Variants in ETV6 observed in about 807,000 individuals in gnomAD.
ETV6 encodes the protein ETS variant transcription factor 6, also known as transcription factor ETV6.
In ETV6, 16 loss-of-function variants were observed where a neutral mutation model predicts 51.1. The ratio of observed to expected loss-of-function variants is 0.31; its 90% CI spans 0.21 to 0.48. The LOEUF is 0.48. Ranked by LOEUF, ETV6 falls within the 20% of genes least tolerant of loss-of-function variation. The pLI is 0.99. For synonymous variants in ETV6, 240 were observed against 224.1 expected (o/e 1.07, Z -0.64); for missense variants, 458 against 594.8 (o/e 0.77, Z 2.39).
chr12:11,857,574 A>G (rs1946650374), intron 4 of ETV6, among the ~76,000 whole-genome samples: 1 of 152,206 alleles, frequency 6.6e-6, no homozygotes, highest in Admixed American at 6.5e-5. Context: ...TTTTTCACCC[A>G]TACCAACACA....
intron 2 of ETV6, among the ~76,000 whole-genome samples, chr12:11,784,704 C>A (rs553843152): frequency 1.3e-5 from 2 of 151,876 alleles, no homozygotes; most frequent in African/African-American, 4.8e-5. Context: ...TGTAAAGATA[C>A]TGTGTTTTTT....
chr12:11,771,432 A>G (rs1945240156), intron 2 of ETV6, among the ~76,000 whole-genome samples: 1 of 152,216 alleles, frequency 6.6e-6, no homozygotes, highest in Non-Finnish European at 1.5e-5. Context: ...TTGGAGCTAA[A>G]TCTCAGCAGA....
At chr12:11,670,470 C>T (rs773546754) in intron 1 of ETV6, among the ~76,000 whole-genome samples, 2 of 152,172 alleles carry the variant, frequency 1.3e-5, no homozygotes, top group Non-Finnish European at 1.5e-5. Flanking sequence ...AACCTTTACT[C>T]AAGTAGTTAT....
In ETV6 at chr12:11,894,780, G is replaced by C. The variant is rs1041442396; in HGVS notation, c.*3734G>C. On this transcript the variant is annotated 3_prime_UTR_variant, in exon 8 of 8. Transcript: ENST00000396373. ...AGGGAGGTGAAGTGACTTGCCCTAG[G>C]AGCAGACAGCATGCCAAGAATGGAA... 2 of 233,268 alleles carry C rather than the reference G, an allele frequency of 8.6e-6. No individual in the cohort carries two copies. Among genetic ancestry groups the C allele is most frequent in the Admixed American group, 1.1e-4 (2 of 17,776 alleles). 14.4% of individuals were successfully genotyped at this position (233,268 alleles called of 1,614,324 possible). A position where few individuals can be genotyped will look rare whatever the true frequency, so the allele number is the denominator to read the frequency against.
chr12:11,687,373 G>T (rs543570316), intron 1 of ETV6, among the ~76,000 whole-genome samples: 188 of 151,904 alleles, frequency 1.2e-3, no homozygotes, highest in Non-Finnish European at 1.8e-3. Context: ...TAAAAACGAG[G>T]TTTCACCATG....
chr12:11,866,820 C>G (rs74060888), intron 4 of ETV6, among the ~76,000 whole-genome samples: 1 of 152,174 alleles, frequency 6.6e-6, no homozygotes, highest in Non-Finnish European at 1.5e-5. Context: ...TTGGGCTATT[C>G]GGTAATCAGA....
chr12:11,866,054 G>T (rs1291565526), intron 4 of ETV6, among the ~76,000 whole-genome samples: 1 of 151,968 alleles, frequency 6.6e-6, no homozygotes, highest in Non-Finnish European at 1.5e-5. Flanking sequence ...CTGAGGATTT[G>T]TTTTGTTTGG....
chr12:11,678,789 A>G (rs1246597655), intron 1 of ETV6, among the ~76,000 whole-genome samples: 1 of 152,206 alleles, frequency 6.6e-6, no homozygotes, highest in Non-Finnish European at 1.5e-5. Flanking sequence ...AATTGATGGT[A>G]TAAATATATC....
chr12:11,698,762 T>C (rs1416765489), intron 1 of ETV6, among the ~76,000 whole-genome samples: 4 of 152,246 alleles, frequency 2.6e-5, no homozygotes, highest in Admixed American at 6.5e-5. Flanking sequence ...GGTGGTTGCA[T>C]TGAACAATAT....
chr12:11,859,107 T>G (rs1946673373), intron 4 of ETV6, among the ~76,000 whole-genome samples: 1 of 135,590 alleles, frequency 7.4e-6, no homozygotes, highest in African/African-American at 2.7e-5. Flanking sequence ...GAAGATGAGG[T>G]ATATGAATCT....
At chr12:11,755,620 T>TA (rs1184701959) in intron 2 of ETV6, among the ~76,000 whole-genome samples, 1 of 152,172 alleles carries the variant, frequency 6.6e-6, no homozygotes, top group African/African-American at 2.4e-5. Context: ...GCCACACACT[T>TA]AAAGATGCAT....
At chr12:11,875,346 G>A (rs115939240) in intron 5 of ETV6, among the ~76,000 whole-genome samples, 237 of 152,288 alleles carry the variant, frequency 1.6e-3, no homozygotes, top group African/African-American at 5.5e-3. Flanking sequence ...AGCAGCCAAC[G>A]CTGTATGGAA....
intron 1 of ETV6, among the ~76,000 whole-genome samples, chr12:11,672,919 A>G (rs1442302916): frequency 6.6e-6 from 1 of 152,222 alleles, no homozygotes; most frequent in Non-Finnish European, 1.5e-5. Flanking sequence ...TGAATTAGCC[A>G]AGAGCAAAAG....
Position 11,893,829 on chromosome 12 carries a change from TATATATATATATACAC to T in ETV6, c.*2785_*2800del, listed in dbSNP as rs1235423514. The T allele has an allele frequency of 5.1e-4, 38 of 74,444 alleles. 1 individual carries two copies. Among genetic ancestry groups the T allele is most frequent in the Non-Finnish European group, 8.9e-4 (35 of 39,378 alleles). The allele number at this position is 74,444 out of a possible 1,614,324, so 4.6% of individuals were successfully genotyped here. The stretch of plus-strand genomic sequence containing the variant: ...ATATATATATATATATATATATATA[TATATATATATATACAC>T]ACACACACACATACACAAATATTCC... On this transcript the variant is annotated 3_prime_UTR_variant, in exon 8 of 8. Coordinates refer to ENST00000396373, the MANE Select transcript of ETV6 (RefSeq NM_001987.5).
At chr12:11,702,143 C>T (rs1175329304) in intron 1 of ETV6, among the ~76,000 whole-genome samples, 1 of 151,890 alleles carries the variant, frequency 6.6e-6, no homozygotes, top group Non-Finnish European at 1.5e-5. Flanking sequence ...CTGTGTGGGG[C>T]AAATGGGAAG....
chr12:11,782,408 C>A (rs142266687), intron 2 of ETV6, among the ~76,000 whole-genome samples: 3 of 152,088 alleles, frequency 2.0e-5, no homozygotes, highest in African/African-American at 7.2e-5. Context: ...AGTTTTTAAC[C>A]TGGAAAGACA....
chr12:11,894,076 T>G lies in ETV6; in HGVS notation c.*3030T>G, dbSNP rs1462118489. On this transcript the variant is annotated 3_prime_UTR_variant, in exon 8 of 8. Transcript: ENST00000396373. ...ATTTACACCCTGCAGACCCTAAAGA[T>G]TTCAGATTCAGTTAGCAAACCTTGA... The G allele has an allele frequency of 4.4e-6, 1 of 228,276 alleles. No homozygotes were observed. The highest frequency in any genetic ancestry group is 6.2e-5 in the East Asian group (1 of 16,018). 14.1% of individuals were successfully genotyped at this position (228,276 alleles called of 1,614,324 possible). A position where few individuals can be genotyped will look rare whatever the true frequency, so the allele number is the denominator to read the frequency against.
intron 1 of ETV6, chr12:11,751,813 C>A: frequency 2.0e-6 from 1 of 504,394 alleles, no homozygotes; most frequent in Admixed American, 2.0e-5. Flanking sequence ...AGGAGATATT[C>A]ATTATTGTTG....
chr12:11,674,343 G>A (rs1345553022), intron 1 of ETV6, among the ~76,000 whole-genome samples: 1 of 152,112 alleles, frequency 6.6e-6, no homozygotes, highest in Non-Finnish European at 1.5e-5. Flanking sequence ...CAGTGACCTA[G>A]GAAGGGAAGC....
Sources: gnomAD v4.1 joint callset for allele counts (sites outside exome capture counted in the v4.1 genomes callset) on GRCh38, gnomAD v4.1.1 for gene constraint, MANE v1.5 for transcripts, NCBI Gene and HGNC (gene_info 2026-07-23, HGNC 2026-07-21) for gene names.